Variants in THSD7B observed in about 807,000 individuals in gnomAD.
THSD7B encodes thrombospondin type 1 domain containing 7B, also known as thrombospondin type-1 domain-containing protein 7B.
Under a neutral mutation model 213.6 loss-of-function variants are expected in THSD7B, and 138 were observed. That is an observed-to-expected ratio of 0.65 (90% CI 0.56 to 0.74). The LOEUF is 0.74. Ranked by LOEUF, THSD7B falls within the 30% of genes least tolerant of loss-of-function variation. The pLI, the probability that THSD7B is intolerant of heterozygous loss-of-function variation, is 0.00. For missense variants in THSD7B, 1,931 were observed against 1,991.5 expected (o/e 0.97, Z 0.58); for synonymous variants, 742 against 687.0 (o/e 1.08, Z -1.25).
intron 1 of THSD7B, among the ~76,000 whole-genome samples, chr2:136,770,244 A>C (rs1003860524): frequency 6.6e-6 from 1 of 152,246 alleles, no homozygotes; most frequent in African/African-American, 2.4e-5. Context: ...TTTAAAAAGC[A>C]TACCATGTAG....
At chr2:137,242,594 A>AT in intron 10 of THSD7B, 22 bp downstream of exon 10, 1 of 1,565,954 alleles carries the variant, frequency 6.4e-7, no homozygotes, top group Non-Finnish European at 8.8e-7. Context: ...CTGCGTTCTT[A>AT]GTTCTTTCTT....
chr2:137,369,270 T>C lies in THSD7B; in HGVS notation c.2501-36343T>C, dbSNP rs569313882. Among the ~76,000 whole-genome samples, 166 of 152,250 alleles carry C rather than the reference T, an allele frequency of 1.1e-3. 1 individual carries two copies. The highest frequency in any genetic ancestry group is 3.5e-3 in the African/African-American group (144 of 41,560). On this transcript the variant is annotated intron_variant, in intron 12 of 27. Transcript: ENST00000409968. ...CCTCACAGTCGCTAATGAGTTTATC[T>C]TGGCTGAGAATAAAATGAGATTATT...
chr2:137,553,642 C>G (rs1680893986), intron 15 of THSD7B, among the ~76,000 whole-genome samples: 1 of 152,100 alleles, frequency 6.6e-6, no homozygotes. Context: ...TTTTCAGTGG[C>G]ATTTTTTTAG....
intron 10 of THSD7B, among the ~76,000 whole-genome samples, chr2:137,248,830 A>T (rs1682101866): frequency 6.6e-6 from 1 of 152,156 alleles, no homozygotes; most frequent in Non-Finnish European, 1.5e-5. Context: ...ACGTTACCTA[A>T]ATCTTTTTTG....
At chr2:137,088,254 AAAAT>A (rs1394739488) in intron 3 of THSD7B, among the ~76,000 whole-genome samples, 1 of 151,922 alleles carries the variant, frequency 6.6e-6, no homozygotes, top group Non-Finnish European at 1.5e-5. Context: ...AAATAAAAAA[AAAAT>A]AAAATTAAAT....
chr2:137,422,051 T>A (rs1686940599), intron 14 of THSD7B, among the ~76,000 whole-genome samples: 1 of 152,146 alleles, frequency 6.6e-6, no homozygotes, highest in Admixed American at 6.5e-5. Context: ...GAAACTAAAC[T>A]CCTGAAAGAA....
At chr2:137,242,906 G>A (rs1228600064) in intron 10 of THSD7B, among the ~76,000 whole-genome samples, 1 of 152,044 alleles carries the variant, frequency 6.6e-6, no homozygotes, top group African/African-American at 2.4e-5. Flanking sequence ...TTTCTATGTG[G>A]CTCTTGTGTG....
At chr2:136,913,400 A>C (rs1684299604) in intron 2 of THSD7B, among the ~76,000 whole-genome samples, 1 of 152,244 alleles carries the variant, frequency 6.6e-6, no homozygotes, top group Admixed American at 6.5e-5. Context: ...CTTTCTGGGG[A>C]GAAATTCAAG....
At chr2:136,858,045 A>G (rs1434621509) in intron 1 of THSD7B, among the ~76,000 whole-genome samples, 1 of 152,204 alleles carries the variant, frequency 6.6e-6, no homozygotes, top group Non-Finnish European at 1.5e-5. Context: ...TCCTAAGCCT[A>G]GTAACCAAAC....
chr2:137,245,312 G>A (rs893175776), intron 10 of THSD7B, among the ~76,000 whole-genome samples: 1 of 152,174 alleles, frequency 6.6e-6, no homozygotes, highest in Non-Finnish European at 1.5e-5. Context: ...TTTGTAAAAT[G>A]GAGGTTAATA....
intron 12 of THSD7B, among the ~76,000 whole-genome samples, chr2:137,389,854 C>T (rs968627513): frequency 4.6e-5 from 7 of 151,902 alleles, no homozygotes; most frequent in African/African-American, 1.5e-4. Context: ...GTTATTAGTA[C>T]CTTTGTAAAA....
intron 27 of THSD7B, among the ~76,000 whole-genome samples, chr2:137,675,286 C>T (rs1011647414): frequency 7.6e-6 from 1 of 132,228 alleles, no homozygotes; most frequent in Non-Finnish European, 1.6e-5. Flanking sequence ...CTGCCAAATG[C>T]CACTGAATTG....
At chr2:137,101,321 C>T (rs1012271810) in intron 4 of THSD7B, among the ~76,000 whole-genome samples, 9 of 152,182 alleles carry the variant, frequency 5.9e-5, no homozygotes, top group East Asian at 3.8e-4. Context: ...GGATTACAGG[C>T]GTGAGCCACC....
chr2:137,359,573 G>A (rs910870839), intron 12 of THSD7B, among the ~76,000 whole-genome samples: 2 of 152,052 alleles, frequency 1.3e-5, no homozygotes, highest in African/African-American at 2.4e-5. Flanking sequence ...TAGAGATGAC[G>A]GGATGCTACA....
At chr2:136,913,794 G>A (rs949771453) in intron 2 of THSD7B, among the ~76,000 whole-genome samples, 2 of 152,256 alleles carry the variant, frequency 1.3e-5, no homozygotes, top group African/African-American at 4.8e-5. Context: ...GGAAACACCT[G>A]GATGCCCAGG....
At chr2:137,499,384 A>G (rs1321395677) in intron 15 of THSD7B, among the ~76,000 whole-genome samples, 2 of 152,200 alleles carry the variant, frequency 1.3e-5, no homozygotes, top group African/African-American at 4.8e-5. Context: ...AAAAATGTGT[A>G]TGGATATTTT....
intron 1 of THSD7B, among the ~76,000 whole-genome samples, chr2:136,779,654 G>A (rs1335227617): frequency 1.3e-5 from 2 of 152,154 alleles, no homozygotes; most frequent in East Asian, 3.8e-4. Context: ...GGAACTTGGA[G>A]TATTCCCAAA....
chr2:136,785,760 G>C (rs537003161), intron 1 of THSD7B, among the ~76,000 whole-genome samples: 1 of 152,340 alleles, frequency 6.6e-6, no homozygotes, highest in East Asian at 1.9e-4. Context: ...AGTAAAGCTG[G>C]ATGAGAATGC....
intron 1 of THSD7B, among the ~76,000 whole-genome samples, chr2:136,818,543 A>G (rs976409617): frequency 1.3e-5 from 2 of 152,128 alleles, no homozygotes; most frequent in African/African-American, 4.8e-5. Flanking sequence ...AACTTAAAGT[A>G]TAATAAAAAA....
Sources: gnomAD v4.1 joint callset for allele counts (sites outside exome capture counted in the v4.1 genomes callset) on GRCh38, gnomAD v4.1.1 for gene constraint, MANE v1.5 for transcripts, NCBI Gene and HGNC (gene_info 2026-07-23, HGNC 2026-07-21) for gene names.